The following RARB variants were observed in gnomAD, a reference collection of about 807,000 sequenced individuals.
The protein encoded by RARB is retinoic acid receptor beta, also known as HBV-activated protein.
In RARB, 17 loss-of-function variants were observed where a neutral mutation model predicts 51.9. That is an observed-to-expected ratio of 0.33 (90% CI 0.22 to 0.49). The LOEUF is 0.49. RARB is among the 20% of genes least tolerant of loss of function. The pLI is 0.99. For missense variants in RARB, 369 were observed against 550.8 expected (o/e 0.67, Z 3.30); for synonymous variants, 215 against 195.4 (o/e 1.10, Z -0.84).
intron 1 of RARB, among the ~76,000 whole-genome samples, chr3:25,460,894 C>T (rs933024107): frequency 6.6e-6 from 1 of 152,150 alleles, no homozygotes; most frequent in Non-Finnish European, 1.5e-5. Flanking sequence ...CACTTCCTTC[C>T]TTTGAGTTTC....
intron 2 of RARB, among the ~76,000 whole-genome samples, chr3:24,896,422 G>T (rs550104138): frequency 1.3e-5 from 2 of 152,050 alleles, no homozygotes; most frequent in Non-Finnish European, 2.9e-5. Flanking sequence ...ACCACGTCCG[G>T]CTAATTTTTT....
chr3:25,001,143 G>GGGAC (rs780317140), intron 2 of RARB, among the ~76,000 whole-genome samples: 5 of 151,910 alleles, frequency 3.3e-5, no homozygotes, highest in Non-Finnish European at 5.9e-5. Flanking sequence ...AGTTGAATAA[G>GGGAC]GGACAAATTA....
chr3:25,547,846 T>C (rs1699678506), intron 3 of RARB, among the ~76,000 whole-genome samples: 1 of 152,208 alleles, frequency 6.6e-6, no homozygotes, highest in Admixed American at 6.5e-5. Context: ...GTATCCTTTT[T>C]TTTCTCTGAA....
chr3:24,952,967 G>A (rs893557720), intron 2 of RARB, among the ~76,000 whole-genome samples: 1 of 152,028 alleles, frequency 6.6e-6, no homozygotes, highest in Non-Finnish European at 1.5e-5. Context: ...AGCATATTAA[G>A]TATGAAAGAA....
At chr3:24,914,283 T>C (rs1188659212) in intron 2 of RARB, among the ~76,000 whole-genome samples, 2 of 152,160 alleles carry the variant, frequency 1.3e-5, no homozygotes, top group African/African-American at 2.4e-5. Flanking sequence ...ACCTGTGGCA[T>C]CTCAGTGACA....
intron 2 of RARB, among the ~76,000 whole-genome samples, chr3:24,880,287 TAGAA>T (rs1703134108): frequency 6.6e-6 from 1 of 150,470 alleles, no homozygotes; most frequent in African/African-American, 2.5e-5. Flanking sequence ...ATGGAAAAAA[TAGAA>T]AGGGCTTGGG....
intron 2 of RARB, among the ~76,000 whole-genome samples, chr3:24,987,529 T>A (rs1032738468): frequency 6.6e-6 from 1 of 152,262 alleles, no homozygotes; most frequent in African/African-American, 2.4e-5. Context: ...AAAACTGTTA[T>A]ATTATTCACT....
chr3:25,100,471 G>A (rs1400404225), intron 3 of RARB, among the ~76,000 whole-genome samples: 2 of 152,124 alleles, frequency 1.3e-5, no homozygotes, highest in African/African-American at 4.8e-5. Flanking sequence ...CTTAGGAAAA[G>A]CAGAGAAGAC....
At chr3:24,939,733 A>G (rs13061245) in intron 2 of RARB, among the ~76,000 whole-genome samples, 28,945 of 152,162 alleles carry the variant, frequency 0.19, 3,449 homozygotes, top group East Asian at 0.33. Flanking sequence ...TCTTTGTAAA[A>G]CTAACAATTA....
At chr3:25,319,515 A>C (rs1333645695) in intron 5 of RARB, among the ~76,000 whole-genome samples, 1 of 152,200 alleles carries the variant, frequency 6.6e-6, no homozygotes, top group African/African-American at 2.4e-5. Flanking sequence ...TCCATCTCTT[A>C]GCCCAGACAA....
intron 4 of RARB, among the ~76,000 whole-genome samples, chr3:25,575,837 A>G (rs1700906310): frequency 6.6e-6 from 1 of 152,202 alleles, no homozygotes; most frequent in Non-Finnish European, 1.5e-5. Flanking sequence ...TGAGGAACAC[A>G]GTTTAACCCG....
intron 5 of RARB, among the ~76,000 whole-genome samples, chr3:25,353,263 G>A (rs1705631231): frequency 6.6e-6 from 1 of 152,164 alleles, no homozygotes; most frequent in Admixed American, 6.6e-5. Flanking sequence ...AATTCTCACA[G>A]TACTGTAGTG....
At chr3:25,311,217 G>C (rs1171691984) in intron 5 of RARB, among the ~76,000 whole-genome samples, 1 of 152,234 alleles carries the variant, frequency 6.6e-6, no homozygotes, top group Non-Finnish European at 1.5e-5. Flanking sequence ...ACCACCTCAA[G>C]GAGGGGAAAG....
chr3:25,124,349 G>A (rs1399480254), intron 3 of RARB, among the ~76,000 whole-genome samples: 4 of 152,196 alleles, frequency 2.6e-5, no homozygotes, highest in African/African-American at 9.6e-5. Context: ...ATTTCAGCCT[G>A]AGTGACAGAC....
At chr3:24,928,927 C>G (rs1426806433) in intron 2 of RARB, among the ~76,000 whole-genome samples, 7 of 151,854 alleles carry the variant, frequency 4.6e-5, no homozygotes, top group Admixed American at 4.6e-4. Context: ...TTAGAAATAC[C>G]AAACTTTGAA....
intron 4 of RARB, among the ~76,000 whole-genome samples, chr3:25,134,942 A>G (rs561848791): frequency 2.0e-5 from 3 of 152,138 alleles, no homozygotes; most frequent in South Asian, 4.1e-4. Context: ...AAAGTTACTA[A>G]TATATGAAGA....
At chr3:25,536,363 A>G (rs757843879) in intron 3 of RARB, among the ~76,000 whole-genome samples, 25 of 152,022 alleles carry the variant, frequency 1.6e-4, no homozygotes, top group Non-Finnish European at 2.8e-4. Context: ...AAAGAATATT[A>G]AAGTGTGCAT....
At chr3:25,211,722 C>T (rs965135672) in intron 5 of RARB, among the ~76,000 whole-genome samples, 3 of 152,138 alleles carry the variant, frequency 2.0e-5, no homozygotes, top group Admixed American at 6.6e-5. Flanking sequence ...TCTTTTGTAA[C>T]TCTGCTGTTA....
chr3:24,925,346 T>C (rs1695295846), intron 2 of RARB, among the ~76,000 whole-genome samples: 2 of 152,028 alleles, frequency 1.3e-5, no homozygotes, highest in African/African-American at 4.8e-5. Flanking sequence ...GATATGTCCT[T>C]GGAAAGAAAT....
Sources: allele counts gnomAD v4.1 joint callset (sites outside exome capture counted in the v4.1 genomes callset), GRCh38; gene constraint gnomAD v4.1.1; transcripts MANE v1.5; gene names NCBI Gene and HGNC (gene_info 2026-07-23, HGNC 2026-07-21).